The following NDRG1 variants were observed in gnomAD, a reference collection of about 807,000 sequenced individuals.
NDRG1 encodes N-myc downstream regulated 1, also known as protein NDRG1.
A neutral mutation model predicts 56.9 loss-of-function variants in NDRG1; 32 were observed. The ratio of observed to expected loss-of-function variants is 0.56; its 90% CI spans 0.42 to 0.76. The LOEUF is 0.76. Ranked by LOEUF, NDRG1 falls within the 30% of genes least tolerant of loss-of-function variation. The pLI, the probability that NDRG1 is intolerant of heterozygous loss-of-function variation, is 0.00. For missense variants in NDRG1, 507 were observed against 545.7 expected (o/e 0.93, Z 0.71); for synonymous variants, 211 against 204.1 (o/e 1.03, Z -0.29).
At position 133,264,611 on chromosome 8, in the gene NDRG1, C is replaced by T. The variant is rs750933446; in HGVS notation, c.141G>A (p.Thr47=). Residue 47 remains threonine, a synonymous_variant, in exon 4 of 16, where the codon ACG becomes ACA. Coordinates refer to ENST00000323851, the MANE Select transcript of NDRG1 (RefSeq NM_006096.4). ...GGTTTCCCTTGGGAGTCCCACACAG[C>T]GTGACGTGAACAGAGCCATGTAAAG... ...IETLHGSVHV[T]LCGTPKGNRP... 1.4e-5 allele frequency: 23 copies of T among 1,614,078 alleles called. No homozygotes were observed. The highest frequency in any genetic ancestry group is 1.9e-5 in the Non-Finnish European group (22 of 1,180,052).
At chr8:133,293,331 G>T (rs1217972569) in intron 1 of NDRG1, among the ~76,000 whole-genome samples, 1 of 152,232 alleles carries the variant, frequency 6.6e-6, no homozygotes, top group Non-Finnish European at 1.5e-5. Context: ...ACAGCCTGGG[G>T]TGGATCCAGG....
chr8:133,243,454 CTGAGGACTAT>C (rs1855493900), intron 14 of NDRG1, among the ~76,000 whole-genome samples: 1 of 152,242 alleles, frequency 6.6e-6, no homozygotes, highest in Non-Finnish European at 1.5e-5. Context: ...CTTCCCACCT[CTGAGGACTAT>C]TGCAAGGACC....
At chr8:133,265,714 C>T (rs1251523242) in intron 3 of NDRG1, among the ~76,000 whole-genome samples, 2 of 152,244 alleles carry the variant, frequency 1.3e-5, no homozygotes, top group African/African-American at 2.4e-5. Context: ...AAAAAAGGCA[C>T]CCTGCCTTGG....
chr8:133,261,994 C>G, intron 5 of NDRG1, 53 bp downstream of exon 5: 4 of 1,539,548 alleles, frequency 2.6e-6, no homozygotes, highest in Non-Finnish European at 3.5e-6. Context: ...CTGAACCCCT[C>G]CCCGACACCC....
At chr8:133,287,675 T>C (rs992845856) in intron 1 of NDRG1, among the ~76,000 whole-genome samples, 2 of 152,170 alleles carry the variant, frequency 1.3e-5, no homozygotes, top group African/African-American at 2.4e-5. Context: ...CTGCTGACAT[T>C]TGGGCCCCAC....
chr8:133,269,021 A>C (rs1857059479), intron 3 of NDRG1, among the ~76,000 whole-genome samples: 1 of 152,220 alleles, frequency 6.6e-6, no homozygotes, highest in East Asian at 1.9e-4. Flanking sequence ...TCCCAAAGGA[A>C]TGTTCTGTCC....
At chr8:133,278,949 G>A (rs936356727) in intron 3 of NDRG1, among the ~76,000 whole-genome samples, 2 of 147,734 alleles carry the variant, frequency 1.4e-5, no homozygotes, top group Admixed American at 6.9e-5. Context: ...GGAGTGCAAC[G>A]ACGTGGTCTC....
chr8:133,282,766 A>C (rs1291604706), intron 2 of NDRG1, among the ~76,000 whole-genome samples: 2 of 152,246 alleles, frequency 1.3e-5, no homozygotes, highest in Non-Finnish European at 2.9e-5. Flanking sequence ...GAGCAGTTGC[A>C]ACAGAGGTCA....
At chr8:133,259,463 A>C (rs535229580) in intron 5 of NDRG1, 2 of 577,786 alleles carry the variant, frequency 3.5e-6, no homozygotes, top group South Asian at 3.9e-5. Flanking sequence ...TAGCTCATTC[A>C]ATTTTCACAA....
rs1307760496 is a variant in NDRG1 at position 133,283,162 on chromosome 8, C to T, written c.63+1087G>A. Among the ~76,000 whole-genome samples the T allele has an allele frequency of 2.6e-5, 4 of 152,192 alleles. No homozygotes were observed. In the East Asian group the frequency reaches 7.7e-4, roughly 29 times the overall value. The stretch of plus-strand genomic sequence containing the variant: ...AACTATGCAAAGAAGACAAATTAAC[C>T]TCCCTAAGACCCAACTTCCTCCTCT... On this transcript the variant is annotated intron_variant, in intron 2 of 15. Transcript: ENST00000323851.
intron 3 of NDRG1, among the ~76,000 whole-genome samples, chr8:133,277,763 T>C (rs1200381240): frequency 1.3e-5 from 2 of 152,184 alleles, no homozygotes; most frequent in South Asian, 4.1e-4. Flanking sequence ...GGATAGGGTG[T>C]GTGATGTTTG....
At chr8:133,271,899 G>A (rs1355378911) in intron 3 of NDRG1, among the ~76,000 whole-genome samples, 3 of 151,222 alleles carry the variant, frequency 2.0e-5, no homozygotes, top group Non-Finnish European at 4.4e-5. Context: ...CCCACTTACT[G>A]AGCAAGTCTG....
chr8:133,248,840 C>A, intron 10 of NDRG1, 69 bp from the exon 11 acceptor site: 1 of 1,585,012 alleles, frequency 6.3e-7, no homozygotes, highest in Non-Finnish European at 8.7e-7. Context: ...TCCCATCCAG[C>A]CAAGCCCAGG....
In NDRG1 at chr8:133,250,433, C is replaced by A. The variant is rs2130698384; in HGVS notation, c.698+7G>T. ...AGCAATGATGTGGCTGAACTACATC[C>A]CAATACCTGTTGTAGGCATTGATGA... On this transcript the variant is annotated splice_region_variant and intron_variant, in intron 10 of 15. Coordinates refer to ENST00000323851, the MANE Select transcript of NDRG1 (RefSeq NM_006096.4). 2.5e-6 allele frequency: 4 copies of A among 1,609,004 alleles called. No individual in the cohort carries two copies. In the East Asian group the frequency reaches 6.7e-5, roughly 27 times the overall value.
intron 13 of NDRG1, among the ~76,000 whole-genome samples, chr8:133,244,917 A>AG (rs1204161578): frequency 6.6e-6 from 1 of 152,180 alleles, no homozygotes; most frequent in Non-Finnish European, 1.5e-5. Flanking sequence ...GAACCGCAAG[A>AG]GGCCATTGCA....
At position 133,262,062 on chromosome 8, in the gene NDRG1, G is replaced by T. The variant is rs1346600957; in HGVS notation, c.311C>A (p.Ala104Asp). Reference sequence around the variant, plus strand: ...GGCCTCTCACCCTGCGGGGAAGGAGGCTGCGCCGTCCTGCTGGCCAGGGGC... The same window carrying T: ...GGCCTCTCACCCTGCGGGGAAGGAGTCTGCGCCGTCCTGCTGGCCAGGGGC... ...VDAPGQQDGA[A>D]SFPAGYMYPS... is the part of the protein sequence containing the mutation. Residue 104 changes from alanine to aspartate, a missense_variant, in exon 5 of 16, where the codon GCC becomes GAC. By Grantham distance (126) the Ala-to-Asp change is moderately radical. Coordinates refer to ENST00000323851, the MANE Select transcript of NDRG1 (RefSeq NM_006096.4). 5.6e-6 allele frequency: 9 copies of T among 1,613,162 alleles called. No homozygotes were observed. The Admixed American group carries it at 6.7e-5, about 12-fold the overall frequency.
In NDRG1 at chr8:133,239,139, C is replaced by T; in HGVS notation, c.944-20G>A. 1 of 1,551,306 alleles carries T rather than the reference C, an allele frequency of 6.4e-7. No individual in the cohort carries two copies. The highest frequency in any genetic ancestry group is 1.7e-4 in the Middle Eastern group (1 of 5,930). ...AGGGCACTAGGGGAACAAGAGACAG[C>T]CGGTTAGAGGGCAGGAGACTGCCAG... On this transcript the variant is annotated intron_variant, in intron 15 of 15. Coordinates refer to ENST00000323851, the MANE Select transcript of NDRG1 (RefSeq NM_006096.4).
At chr8:133,239,448 G>A (rs1252533127) in intron 15 of NDRG1, 1 of 514,198 alleles carries the variant, frequency 1.9e-6, no homozygotes, top group Non-Finnish European at 3.5e-6. Context: ...TGTAAAGCAA[G>A]TATGTTAAAT....
rs572534165 is a variant in NDRG1, at chr8:133,269,580, C to T, written c.100-4928G>A. Among the ~76,000 whole-genome samples the T allele has an allele frequency of 2.1e-4, 32 of 152,314 alleles. No individual in the cohort carries two copies. The South Asian group carries it at 5.8e-3, about 28-fold the overall frequency. ...GCTGAGAGAGATTAAGGACTTCATC[C>T]AAGGCCACACAGCTGGAATAATGGG... On this transcript the variant is annotated intron_variant, in intron 3 of 15. Transcript: ENST00000323851.
Sources: gnomAD v4.1 joint callset for allele counts (sites outside exome capture counted in the v4.1 genomes callset) on GRCh38, gnomAD v4.1.1 for gene constraint, MANE v1.5 for transcripts, NCBI Gene and HGNC (gene_info 2026-07-23, HGNC 2026-07-21) for gene names.